ATXN7L1: variants seen among roughly 807,000 people sequenced by gnomAD.
ATXN7L1 encodes ataxin 7 like 1, also known as ataxin-7-like protein 1.
A neutral mutation model predicts 70.8 loss-of-function variants in ATXN7L1; 15 were observed. The ratio of observed to expected loss-of-function variants is 0.21; its 90% CI spans 0.14 to 0.33. ATXN7L1 has a LOEUF of 0.33. ATXN7L1 is among the 10% of genes least tolerant of loss of function. The probability of loss-of-function intolerance (pLI) is 1.00; values close to 1 mark genes in which losing one functional copy is unlikely to be tolerated. For missense variants in ATXN7L1, 975 were observed against 1,097.1 expected (o/e 0.89, Z 1.57); for synonymous variants, 440 against 445.1 (o/e 0.99, Z 0.14).
intron 2 of ATXN7L1, among the ~76,000 whole-genome samples, chr7:105,845,483 C>G (rs2116618758): frequency 8.6e-6 from 1 of 116,296 alleles, no homozygotes; most frequent in South Asian, 2.8e-4. Flanking sequence ...AACTGATCTA[C>G]AGATTCAACG....
At chr7:105,616,348 T>C (rs960192197) in intron 9 of ATXN7L1, among the ~76,000 whole-genome samples, 4 of 152,188 alleles carry the variant, frequency 2.6e-5, no homozygotes, top group African/African-American at 9.7e-5. Flanking sequence ...TCTCCTAGCG[T>C]TCCTCTCTGA....
chr7:105,767,693 C>T (rs975548227), intron 3 of ATXN7L1, among the ~76,000 whole-genome samples: 1 of 152,232 alleles, frequency 6.6e-6, no homozygotes, highest in African/African-American at 2.4e-5. Context: ...GAGATGAGGA[C>T]TGGCTGAAGG....
At chr7:105,760,621 C>G (rs1800416504) in intron 3 of ATXN7L1, 1 of 943,020 alleles carries the variant, frequency 1.1e-6, no homozygotes, top group South Asian at 4.9e-5. Flanking sequence ...GAGCTTGTGG[C>G]TGAGTTGGGA....
chr7:105,803,462 C>T (rs1807116166), intron 2 of ATXN7L1, among the ~76,000 whole-genome samples: 1 of 152,238 alleles, frequency 6.6e-6, no homozygotes, highest in East Asian at 1.9e-4. Flanking sequence ...GGTGGCAGGA[C>T]TTGAGCAGTA....
chr7:105,867,173 G>A (rs1025088021), intron 2 of ATXN7L1, among the ~76,000 whole-genome samples: 1 of 152,112 alleles, frequency 6.6e-6, no homozygotes, highest in Non-Finnish European at 1.5e-5. Context: ...AGGTCAGAAG[G>A]CCTCAGGAAT....
intron 2 of ATXN7L1, among the ~76,000 whole-genome samples, chr7:105,841,674 C>T (rs1813229156): frequency 6.6e-6 from 1 of 152,032 alleles, no homozygotes; most frequent in South Asian, 2.1e-4. Flanking sequence ...GAACAATGGC[C>T]CCAAAGCGCA....
At chr7:105,645,320 C>T (rs1468742152) in intron 4 of ATXN7L1, among the ~76,000 whole-genome samples, 2 of 152,108 alleles carry the variant, frequency 1.3e-5, no homozygotes, top group African/African-American at 2.4e-5. Context: ...ATGCAAATTA[C>T]AAAACTCTTA....
intron 2 of ATXN7L1, among the ~76,000 whole-genome samples, chr7:105,866,986 G>A (rs970924336): frequency 1.3e-5 from 2 of 152,164 alleles, no homozygotes; most frequent in Admixed American, 6.5e-5. Context: ...TGTCATAAAC[G>A]AAACGTTAAC....
intron 2 of ATXN7L1, among the ~76,000 whole-genome samples, chr7:105,822,124 A>G (rs1810251117): frequency 6.6e-6 from 1 of 152,232 alleles, no homozygotes; most frequent in Non-Finnish European, 1.5e-5. Context: ...GCTTCTCAAC[A>G]TTAGATTTAC....
At chr7:105,824,239 T>C (rs1244097537) in intron 2 of ATXN7L1, among the ~76,000 whole-genome samples, 1 of 152,180 alleles carries the variant, frequency 6.6e-6, no homozygotes, top group Non-Finnish European at 1.5e-5. Flanking sequence ...GTAATCCCCC[T>C]TTACAATGGG....
At chr7:105,777,111 C>T (rs1802846091) in intron 3 of ATXN7L1, among the ~76,000 whole-genome samples, 1 of 152,126 alleles carries the variant, frequency 6.6e-6, no homozygotes, top group Non-Finnish European at 1.5e-5. Context: ...ACAGTCCTAG[C>T]CTTCAGGAAC....
intron 8 of ATXN7L1, among the ~76,000 whole-genome samples, chr7:105,621,494 G>A (rs1331238203): frequency 6.6e-6 from 1 of 152,152 alleles, no homozygotes; most frequent in African/African-American, 2.4e-5. Flanking sequence ...TAGGCATTTG[G>A]GCTAACAAAT....
chr7:105,688,738 C>T (rs1303097883), intron 3 of ATXN7L1, among the ~76,000 whole-genome samples: 1 of 152,178 alleles, frequency 6.6e-6, no homozygotes, highest in Non-Finnish European at 1.5e-5. Flanking sequence ...TGGGACAAAT[C>T]TCCTAAACCC....
chr7:105,703,979 A>T (rs1361756874), intron 3 of ATXN7L1, among the ~76,000 whole-genome samples: 1 of 152,226 alleles, frequency 6.6e-6, no homozygotes, highest in African/African-American at 2.4e-5. Flanking sequence ...TCATACCCAC[A>T]TTCATTCACA....
At chr7:105,626,517 G>T (rs759978122) in intron 7 of ATXN7L1, among the ~76,000 whole-genome samples, 8 of 152,086 alleles carry the variant, frequency 5.3e-5, no homozygotes, top group Non-Finnish European at 8.8e-5. Context: ...ACAAAACAAG[G>T]CCACATGTAG....
Position 105,745,316 on chromosome 7 carries a change from G to T in ATXN7L1, c.355+43288C>A, listed in dbSNP as rs141428060. Among the ~76,000 whole-genome samples, 133 of 152,134 alleles carry T rather than the reference G, an allele frequency of 8.7e-4. 1 individual carries two copies. The Middle Eastern group carries it at 0.017, about 19-fold the overall frequency. On this transcript the variant is annotated intron_variant, in intron 3 of 11. Coordinates refer to ENST00000419735, the MANE Select transcript of ATXN7L1 (RefSeq NM_020725.2). ...GGTGGACAGTTTTTGCAACTTTTCGGTAAGTTTGAAATTAACTTCCTCTCC... is the reference window on the plus strand; with the variant it reads ...GGTGGACAGTTTTTGCAACTTTTCGTTAAGTTTGAAATTAACTTCCTCTCC...
At chr7:105,727,604 G>T (rs1174541844) in intron 3 of ATXN7L1, among the ~76,000 whole-genome samples, 1 of 149,354 alleles carries the variant, frequency 6.7e-6, no homozygotes, top group Non-Finnish European at 1.5e-5. Context: ...TGGAGGCAGA[G>T]GTTGCAGTGA....
intron 11 of ATXN7L1, among the ~76,000 whole-genome samples, chr7:105,608,716 G>A (rs1792896935): frequency 1.3e-5 from 2 of 152,172 alleles, no homozygotes; most frequent in Admixed American, 1.3e-4. Context: ...AAAATGGTGA[G>A]GAGACTCTCC....
chr7:105,660,576 C>CTTTTTTTTTTT (rs34008024), intron 4 of ATXN7L1, among the ~76,000 whole-genome samples: 3 of 78,140 alleles, frequency 3.8e-5, no homozygotes, highest in African/African-American at 5.3e-5. Context: ...CGGAAGTGAC[C>CTTTTTTTTTTT]TTTTTTTTTT....
Sources: allele counts gnomAD v4.1 joint callset (sites outside exome capture counted in the v4.1 genomes callset), GRCh38; gene constraint gnomAD v4.1.1; transcripts MANE v1.5; gene names NCBI Gene and HGNC (gene_info 2026-07-23, HGNC 2026-07-21).